Variants in DOCK11 observed in about 807,000 individuals in gnomAD.
The protein encoded by DOCK11 is dedicator of cytokinesis protein 11.
DOCK11 carries 70 observed loss-of-function variants against 169.1 expected under a neutral mutation model. That is an observed-to-expected ratio of 0.41 (90% CI 0.34 to 0.51). The LOEUF is 0.51. Among genes scored for constraint, DOCK11 ranks in the 20% least tolerant of loss-of-function variants. DOCK11 has a pLI of 0.10. For synonymous variants in DOCK11, 529 were observed against 541.3 expected (o/e 0.98, Z 0.32); for missense variants, 1,166 against 1,538.8 (o/e 0.76, Z 4.05).
rs565013054 is a variant in DOCK11, at chrX:118,580,098, C to T, written c.1514C>T (p.Thr505Met). 51 of 1,204,654 alleles carry T rather than the reference C, an allele frequency of 4.2e-5. No individual in the cohort carries two copies. Among genetic ancestry groups the T allele is most frequent in the African/African-American group, 1.2e-4 (7 of 56,751 alleles). Residue 505 changes from threonine (T) to methionine (M), a missense_variant and splice_region_variant, in exon 14 of 53, where the codon ACG becomes ATG. Transcript: ENST00000276202. ...CTATCTTCTTGTTTCTGACCTTAGA[C>T]GGCCCAGAAGGTGCACAGGACAGCT... ...PYIKNSDPVKTAQKVHRTAKQ... is the reference protein window; with the variant it reads ...PYIKNSDPVKMAQKVHRTAKQ...
chrX:118,630,685 G>A (rs192201935), intron 35 of DOCK11, among the ~76,000 whole-genome samples, 195 bp downstream of exon 35: 48 of 112,271 alleles, frequency 4.3e-4, no homozygotes, highest in African/African-American at 1.4e-3. Context: ...ACACAAGTTC[G>A]AGTCTTTGAA....
chrX:118,603,231 AGT>A (rs1341267955), intron 23 of DOCK11, among the ~76,000 whole-genome samples: 1 of 113,002 alleles, frequency 8.8e-6, no homozygotes, highest in East Asian at 2.8e-4. Flanking sequence ...GCTATAGTAC[AGT>A]GTGCATTGTG....
At chrX:118,592,095 A>C in intron 19 of DOCK11, among the ~76,000 whole-genome samples, 1 of 108,152 alleles carries the variant, frequency 9.2e-6, no homozygotes, top group East Asian at 3.0e-4. Context: ...ATAAACATAC[A>C]TGTGCATGTG....
chrX:118,556,390 T>C (rs1219604927), intron 6 of DOCK11, among the ~76,000 whole-genome samples: 1 of 109,565 alleles, frequency 9.1e-6, no homozygotes, highest in African/African-American at 3.3e-5. Context: ...TTCCTTCCTA[T>C]GTTTAATCTT....
chrX:118,580,210 C>T, intron 14 of DOCK11, 31 bp downstream of exon 14: 1 of 1,143,258 alleles, frequency 8.7e-7, no homozygotes. Context: ...GACCCGCTCA[C>T]TCGTGTTCAT....
intron 45 of DOCK11, among the ~76,000 whole-genome samples, chrX:118,670,731 C>T (rs1346945743): frequency 1.8e-5 from 2 of 111,278 alleles, no homozygotes; most frequent in Admixed American, 9.6e-5. Flanking sequence ...TATTCTTTCT[C>T]GATGTGTTAA....
intron 1 of DOCK11, among the ~76,000 whole-genome samples, chrX:118,521,743 T>C (rs1460206186): frequency 8.9e-6 from 1 of 112,097 alleles, no homozygotes; most frequent in Non-Finnish European, 1.9e-5. Flanking sequence ...ATGTTTTCCA[T>C]CCTACTTATT....
intron 36 of DOCK11, 140 bp downstream of exon 36, chrX:118,636,552 A>G: frequency 3.5e-6 from 1 of 285,606 alleles, no homozygotes; most frequent in Non-Finnish European, 6.3e-6. Flanking sequence ...AGAGCCTGAC[A>G]TAGAGGTTCT....
intron 1 of DOCK11, among the ~76,000 whole-genome samples, chrX:118,510,424 C>T (rs1401276431): frequency 8.9e-6 from 1 of 112,354 alleles, no homozygotes; most frequent in East Asian, 2.8e-4. Flanking sequence ...AATGTCTTTC[C>T]CCACACAGGA....
intron 18 of DOCK11, among the ~76,000 whole-genome samples, chrX:118,589,437 T>C (rs907877358): frequency 9.0e-6 from 1 of 111,623 alleles, no homozygotes; most frequent in East Asian, 2.8e-4. Context: ...TATTCACTTA[T>C]ATGGAGTTTC....
intron 26 of DOCK11, 80 bp from the exon 27 acceptor site, chrX:118,609,198 A>G (rs2014614059): frequency 1.5e-6 from 1 of 679,060 alleles, no homozygotes; most frequent in Non-Finnish European, 2.3e-6. Context: ...TTCAAAGACA[A>G]GACCCATATT....
chrX:118,562,780 G>A (rs770726375), intron 7 of DOCK11, among the ~76,000 whole-genome samples: 218 of 112,263 alleles, frequency 1.9e-3, no homozygotes, highest in African/African-American at 6.5e-3. Context: ...GGCTACTGCC[G>A]TGAAAAGTTT....
intron 1 of DOCK11, among the ~76,000 whole-genome samples, chrX:118,540,365 G>C (rs2011944145): frequency 9.0e-6 from 1 of 111,531 alleles, no homozygotes; most frequent in Non-Finnish European, 1.9e-5. Context: ...AGAGCTGGAA[G>C]ATGCAGTCAG....
intron 5 of DOCK11, 149 bp from the exon 6 acceptor site, chrX:118,545,872 C>T (rs1170649509): frequency 4.6e-6 from 2 of 430,469 alleles, no homozygotes; most frequent in Non-Finnish European, 4.1e-6. Flanking sequence ...TTTCATTCTA[C>T]AGTCAACTAT....
chrX:118,669,434 G>A (rs1357564042), intron 45 of DOCK11, among the ~76,000 whole-genome samples: 1 of 112,018 alleles, frequency 8.9e-6, no homozygotes, highest in African/African-American at 3.2e-5. Context: ...CTGAGTAGGT[G>A]AAGATAAAGG....
intron 12 of DOCK11, among the ~76,000 whole-genome samples, chrX:118,575,506 A>G (rs182556410): frequency 3.9e-3 from 437 of 112,393 alleles, no homozygotes; most frequent in Non-Finnish European, 5.9e-3. Flanking sequence ...TTTTAGGGTC[A>G]AAGATTATGC....
intron 26 of DOCK11, 79 bp from the exon 27 acceptor site, chrX:118,609,199 G>A: frequency 1.5e-6 from 1 of 676,565 alleles, no homozygotes; most frequent in Non-Finnish European, 2.3e-6. Flanking sequence ...TCAAAGACAA[G>A]ACCCATATTG....
intron 6 of DOCK11, among the ~76,000 whole-genome samples, chrX:118,556,970 G>A (rs1228797113): frequency 9.0e-6 from 1 of 111,437 alleles, no homozygotes; most frequent in Non-Finnish European, 1.9e-5. Flanking sequence ...AAATAATAAA[G>A]ACGAGGAGGA....
chrX:118,624,620 G>T lies in DOCK11; in HGVS notation c.3553G>T (p.Asp1185Tyr). ...AAATATACAGCGATTAGCAGGTCGA[G>T]ATACCTTGTATTCTTGTGCAGCCAT... ...LENIQRLAGRDTLYSCAAMPN... is the reference protein window; with the variant it reads ...LENIQRLAGRYTLYSCAAMPN... The change falls in exon 32 of 53, where the codon GAT (aspartate) becomes TAT (tyrosine). Residue 1185 changes from aspartate to tyrosine, a missense_variant. Transcript: ENST00000276202. 4 of 1,205,613 alleles carry T rather than the reference G, an allele frequency of 3.3e-6. No homozygotes were observed. The highest frequency in any genetic ancestry group is 4.5e-6 in the Non-Finnish European group (4 of 890,367).
Sources: allele counts gnomAD v4.1 joint callset (sites outside exome capture counted in the v4.1 genomes callset), GRCh38; gene constraint gnomAD v4.1.1; transcripts MANE v1.5; gene names NCBI Gene and HGNC (gene_info 2026-07-23, HGNC 2026-07-21).